The following STAP1 variants were observed in gnomAD, a reference collection of about 807,000 sequenced individuals.
The protein encoded by STAP1 is signal-transducing adaptor protein 1.
In STAP1, 30 loss-of-function variants were observed where a neutral mutation model predicts 37.8. The observed-to-expected ratio is 0.79, with a 90% CI of 0.59 to 1.08. STAP1 has a LOEUF of 1.08. STAP1 is among the 50% of genes least tolerant of loss of function. The pLI is 0.00. For synonymous variants in STAP1, 130 were observed against 116.0 expected (o/e 1.12, Z -0.78); for missense variants, 357 against 349.4 (o/e 1.02, Z -0.17).
chr4:67,590,298 C>G (rs904308054), intron 6 of STAP1, among the ~76,000 whole-genome samples: 4 of 152,096 alleles, frequency 2.6e-5, no homozygotes, highest in Non-Finnish European at 5.9e-5. Flanking sequence ...ATGTAATGTA[C>G]TTACATTATC....
At chr4:67,572,923 C>G (rs191274267) in intron 2 of STAP1, among the ~76,000 whole-genome samples, 166 of 152,314 alleles carry the variant, frequency 1.1e-3, no homozygotes, top group Admixed American at 1.1e-3. Flanking sequence ...CCTAAGCCAG[C>G]CTTCTTCATC....
intron 6 of STAP1, among the ~76,000 whole-genome samples, chr4:67,589,672 C>T (rs1728079326): frequency 6.6e-6 from 1 of 152,218 alleles, no homozygotes; most frequent in South Asian, 2.1e-4. Context: ...TTCATCCTAA[C>T]ATGCTTGCCG....
intron 1 of STAP1, among the ~76,000 whole-genome samples, chr4:67,567,049 A>C (rs1727485806): frequency 6.6e-6 from 1 of 152,196 alleles, no homozygotes; most frequent in Non-Finnish European, 1.5e-5. Flanking sequence ...AGACAGGTAA[A>C]GGGATACTGT....
At position 67,581,981 on chromosome 4, in the gene STAP1, A is replaced by C. The variant is rs528362232; in HGVS notation, c.530+510A>C. 2.0e-5 allele frequency among the ~76,000 whole-genome samples: 3 copies of C among 152,242 alleles called. No individual in the cohort carries two copies. The East Asian group carries it at 5.8e-4, about 29-fold the overall frequency. ...AATGCTAAATTCACCAACATCCTAC[A>C]TTTATTTTTTATATTATTGAAAAGA... On this transcript the variant is annotated intron_variant, in intron 5 of 8. Coordinates refer to ENST00000265404, the MANE Select transcript of STAP1 (RefSeq NM_012108.4).
At chr4:67,588,489 C>A (rs945601294) in intron 6 of STAP1, among the ~76,000 whole-genome samples, 2 of 151,966 alleles carry the variant, frequency 1.3e-5, no homozygotes, top group Non-Finnish European at 2.9e-5. Context: ...GGCTCACTGC[C>A]ATCTCCGCCT....
Position 67,606,287 on chromosome 4 carries a change from A to G in STAP1, c.827-9A>G. 6.2e-7 allele frequency: 1 copy of G among 1,602,444 alleles called. No individual in the cohort carries two copies. Among genetic ancestry groups the G allele is most frequent in the African/African-American group, 1.3e-5 (1 of 74,238 alleles). On this transcript the variant is annotated splice_polypyrimidine_tract_variant and intron_variant, in intron 8 of 8. Transcript: ENST00000265404. ...TCGCTAATTAAGTTTTTCTACCCAC[A>G]ATTTCTAGGTCAAGAACCCAGTATG...
intron 8 of STAP1, among the ~76,000 whole-genome samples, chr4:67,597,834 T>C (rs1489209906): frequency 6.6e-6 from 1 of 152,240 alleles, no homozygotes. Flanking sequence ...ATCTTGGAAG[T>C]AACTAATCTT....
chr4:67,598,130 A>G (rs1728264428), intron 8 of STAP1, among the ~76,000 whole-genome samples: 1 of 152,186 alleles, frequency 6.6e-6, no homozygotes, highest in Admixed American at 6.5e-5. Flanking sequence ...AGTTTCTCCC[A>G]TGCTGTTCTT....
At chr4:67,568,133 G>C (rs1560456400) in intron 1 of STAP1, among the ~76,000 whole-genome samples, 1 of 152,138 alleles carries the variant, frequency 6.6e-6, no homozygotes, top group African/African-American at 2.4e-5. Flanking sequence ...TTGAGTTATA[G>C]AGTCGTCATT....
intron 1 of STAP1, among the ~76,000 whole-genome samples, chr4:67,570,447 A>G (rs1727577502): frequency 6.6e-6 from 1 of 152,180 alleles, no homozygotes; most frequent in Admixed American, 6.5e-5. Context: ...CCACCAAAAG[A>G]TCTTTTTGTG....
intron 2 of STAP1, among the ~76,000 whole-genome samples, chr4:67,575,107 T>C (rs958388056): frequency 1.3e-5 from 2 of 152,202 alleles, no homozygotes; most frequent in African/African-American, 4.8e-5. Flanking sequence ...TTTACTGGTA[T>C]GTTTATATAA....
At chr4:67,583,827 G>A (rs964741663) in intron 6 of STAP1, 125 bp downstream of exon 6, 22 of 1,139,442 alleles carry the variant, frequency 1.9e-5, no homozygotes, top group Admixed American at 8.6e-5. Context: ...GGCCGGGTGC[G>A]GTGGCTCACG....
chr4:67,577,901 G>A (rs986807081), intron 4 of STAP1, among the ~76,000 whole-genome samples: 5 of 151,900 alleles, frequency 3.3e-5, no homozygotes, highest in Admixed American at 1.3e-4. Flanking sequence ...TGCCGGCCTC[G>A]GCCTCCGAAA....
intron 5 of STAP1, 47 bp downstream of exon 5, chr4:67,581,518 A>G: frequency 6.4e-7 from 1 of 1,554,876 alleles, no homozygotes; most frequent in Non-Finnish European, 8.7e-7. Context: ...TGTTAAAACT[A>G]ATTTCTAATT....
chr4:67,576,934 T>A (rs2109861791), intron 3 of STAP1, among the ~76,000 whole-genome samples: 1 of 152,344 alleles, frequency 6.6e-6, no homozygotes, highest in East Asian at 1.9e-4. Flanking sequence ...TGAATTGACA[T>A]ACTGCAAAAG....
chr4:67,599,018 G>A (rs771069073), intron 8 of STAP1, among the ~76,000 whole-genome samples: 1 of 152,104 alleles, frequency 6.6e-6, no homozygotes, highest in Non-Finnish European at 1.5e-5. Flanking sequence ...GTATTACATT[G>A]ATTGATTTAC....
chr4:67,567,636 G>A (rs1282668203), intron 1 of STAP1, among the ~76,000 whole-genome samples: 1 of 152,234 alleles, frequency 6.6e-6, no homozygotes, highest in Admixed American at 6.5e-5. Flanking sequence ...TATGTGACAT[G>A]TGTTGGTAAA....
chr4:67,573,521 G>A (rs1174571261), intron 2 of STAP1, among the ~76,000 whole-genome samples: 1 of 152,128 alleles, frequency 6.6e-6, no homozygotes, highest in Non-Finnish European at 1.5e-5. Context: ...AAAACTCACT[G>A]AGCTTGATCT....
intron 2 of STAP1, among the ~76,000 whole-genome samples, chr4:67,573,892 T>A (rs1334380556): frequency 2.0e-5 from 3 of 152,154 alleles, no homozygotes; most frequent in Non-Finnish European, 4.4e-5. Context: ...GAGGCTAATT[T>A]AGTAAAAATA....
Sources: gnomAD v4.1 joint callset for allele counts (sites outside exome capture counted in the v4.1 genomes callset) on GRCh38, gnomAD v4.1.1 for gene constraint, MANE v1.5 for transcripts, NCBI Gene and HGNC (gene_info 2026-07-23, HGNC 2026-07-21) for gene names.